Variants in IKZF3 observed in about 807,000 individuals in gnomAD.
IKZF3 encodes the protein IKAROS family zinc finger 3, also known as zinc finger protein Aiolos.
Under a neutral mutation model 49.0 loss-of-function variants are expected in IKZF3, and 10 were observed. That is an observed-to-expected ratio of 0.20 (90% CI 0.13 to 0.35). The LOEUF (loss-of-function observed/expected upper bound fraction) is 0.35. IKZF3 is among the 10% of genes least tolerant of loss of function. The pLI, the probability that IKZF3 is intolerant of heterozygous loss-of-function variation, is 1.00. For synonymous variants in IKZF3, 209 were observed against 228.2 expected (o/e 0.92, Z 0.76); for missense variants, 498 against 664.8 (o/e 0.75, Z 2.76).
At chr17:39,791,638 T>C in intron 4 of IKZF3, 55 bp from the exon 5 acceptor site, 1 of 1,558,236 alleles carries the variant, frequency 6.4e-7, no homozygotes, top group Admixed American at 1.7e-5. Flanking sequence ...GAGAAACATA[T>C]GCACAGATTA....
At chr17:39,837,040 T>C (rs2062306965) in intron 1 of IKZF3, among the ~76,000 whole-genome samples, 1 of 152,080 alleles carries the variant, frequency 6.6e-6, no homozygotes, top group Non-Finnish European at 1.5e-5. Flanking sequence ...CAAGCAATCC[T>C]CCCACCTCAG....
chr17:39,842,060 C>CAAAAAA (rs1491414621), intron 1 of IKZF3, among the ~76,000 whole-genome samples: 1 of 20,312 alleles, frequency 4.9e-5, no homozygotes, highest in Admixed American at 5.7e-4. Context: ...AAAAAAAAAA[C>CAAAAAA]CAGATAAAAT....
chr17:39,795,035 C>T (rs575983835), intron 3 of IKZF3, among the ~76,000 whole-genome samples: 1 of 152,320 alleles, frequency 6.6e-6, no homozygotes, highest in Admixed American at 6.5e-5. Context: ...CATGACCAGA[C>T]TCAGGCCACT....
intron 6 of IKZF3, among the ~76,000 whole-genome samples, chr17:39,779,818 C>T (rs192070350): frequency 6.6e-5 from 10 of 152,114 alleles, no homozygotes; most frequent in South Asian, 2.1e-4. Context: ...ATAAACACTT[C>T]GGGAGATCCA....
chr17:39,818,504 G>A (rs1005898250), intron 3 of IKZF3, among the ~76,000 whole-genome samples: 4 of 152,148 alleles, frequency 2.6e-5, no homozygotes, highest in African/African-American at 9.7e-5. Context: ...CAGAGAAGGG[G>A]GACTACTATA....
intron 3 of IKZF3, among the ~76,000 whole-genome samples, chr17:39,803,283 T>G (rs2061362656): frequency 6.6e-6 from 1 of 152,198 alleles, no homozygotes; most frequent in Admixed American, 6.5e-5. Context: ...CTTTTTCTAT[T>G]GATTATTTTC....
In IKZF3 at chr17:39,766,470, C is replaced by T. The variant is rs1435931657; in HGVS notation, c.850G>A (p.Val284Ile). Residue 284 changes from valine (V) to isoleucine (I), a missense_variant, in exon 8 of 8, where the codon GTC becomes ATC. Val to Ile is a conservative substitution (Grantham distance 29). This residue lies in a region of IKZF3 where 317 missense variants were observed against 397.3 expected (regional missense o/e 0.80). Transcript: ENST00000346872. ...FIGEKRHCFD[V>I]NYNSSYMYEK... ...TACATGTAACTTGAATTATAGTTGA[C>T]ATCAAAGCAGTGGCGCTTCTCACCT... 5.6e-6 allele frequency: 9 copies of T among 1,611,284 alleles called. No homozygotes were observed. Among genetic ancestry groups the T allele is most frequent in the Non-Finnish European group, 6.8e-6 (8 of 1,178,946 alleles).
At chr17:39,829,749 C>T (rs1459957084) in intron 2 of IKZF3, among the ~76,000 whole-genome samples, 7 of 151,946 alleles carry the variant, frequency 4.6e-5, no homozygotes, top group Non-Finnish European at 5.9e-5. Flanking sequence ...GTCAGGAGTT[C>T]GAGACCAGCC....
chr17:39,812,512 G>A (rs2061583555), intron 3 of IKZF3, among the ~76,000 whole-genome samples: 2 of 152,170 alleles, frequency 1.3e-5, no homozygotes, highest in Non-Finnish European at 2.9e-5. Flanking sequence ...CCATCATGGA[G>A]TCAGCCAGCA....
intron 1 of IKZF3, chr17:39,835,788 C>A: frequency 1.9e-6 from 1 of 514,232 alleles, no homozygotes; most frequent in Non-Finnish European, 3.8e-6. Context: ...CAGCTCCACC[C>A]TATTCATGTA....
intron 1 of IKZF3, among the ~76,000 whole-genome samples, chr17:39,836,260 G>A (rs1390205573): frequency 6.6e-6 from 1 of 152,168 alleles, no homozygotes; most frequent in Non-Finnish European, 1.5e-5. Context: ...GACCCATGCT[G>A]GCACCCAGGA....
In IKZF3 at chr17:39,762,500, A is replaced by G. The variant is rs918191078; in HGVS notation, c.*3290T>C. 1.3e-5 allele frequency: 2 copies of G among 152,164 alleles called. No homozygotes were observed. Among genetic ancestry groups the G allele is most frequent in the African/African-American group, 4.8e-5 (2 of 41,440 alleles). 9.4% of individuals were successfully genotyped at this position (152,164 alleles called of 1,614,324 possible). On this transcript the variant is annotated 3_prime_UTR_variant, in exon 8 of 8. Coordinates refer to ENST00000346872, the MANE Select transcript of IKZF3 (RefSeq NM_012481.5). ...CAGAAGAATAGAAATCATGCAGCAA[A>G]TTCATTAGTCACAGGAAAAAGGAGG...
chr17:39,780,634 A>T (rs963892238), intron 6 of IKZF3, among the ~76,000 whole-genome samples: 2 of 151,872 alleles, frequency 1.3e-5, no homozygotes, highest in African/African-American at 4.8e-5. Context: ...TTGGGATTAC[A>T]GGCATGAGCC....
At chr17:39,860,967 G>A (rs1272685165) in intron 1 of IKZF3, among the ~76,000 whole-genome samples, 1 of 152,080 alleles carries the variant, frequency 6.6e-6, no homozygotes, top group Non-Finnish European at 1.5e-5. Context: ...CAGTTTAAGT[G>A]CTTAAAAAAT....
intron 3 of IKZF3, among the ~76,000 whole-genome samples, chr17:39,824,037 A>C (rs1023136932): frequency 6.6e-6 from 1 of 152,212 alleles, no homozygotes; most frequent in East Asian, 1.9e-4. Context: ...GTGCACCTGG[A>C]AAAGCTGCAA....
At chr17:39,803,103 A>G (rs2061359011) in intron 3 of IKZF3, among the ~76,000 whole-genome samples, 1 of 152,162 alleles carries the variant, frequency 6.6e-6, no homozygotes, top group Non-Finnish European at 1.5e-5. Flanking sequence ...CATCAGCAGT[A>G]GGTAAGGTTC....
In IKZF3 at chr17:39,758,778, T is replaced by G. The variant is rs549368839; in HGVS notation, c.*7012A>C. ...CAGCAGATCCTCTGCCCTTGTGCAT[T>G]AAAACAACATGAAGGAAACTGTTAG... On this transcript the variant is annotated 3_prime_UTR_variant, in exon 8 of 8. Coordinates refer to ENST00000346872, the MANE Select transcript of IKZF3 (RefSeq NM_012481.5). The G allele has an allele frequency of 1.6e-4, 24 of 150,732 alleles. No homozygotes were observed. Among genetic ancestry groups the G allele is most frequent in the African/African-American group, 5.4e-4 (22 of 40,892 alleles). 9.3% of individuals were successfully genotyped at this position (150,732 alleles called of 1,614,324 possible).
intron 3 of IKZF3, among the ~76,000 whole-genome samples, chr17:39,797,669 T>C (rs187699580): frequency 3.9e-5 from 6 of 152,226 alleles, no homozygotes; most frequent in African/African-American, 1.4e-4. Flanking sequence ...GTGATCCACC[T>C]GTCTTGGCCT....
In IKZF3 at chr17:39,783,135, A is replaced by G. The variant is rs371328150; in HGVS notation, c.709+5123T>C. Among the ~76,000 whole-genome samples the G allele has an allele frequency of 1.2e-3, 185 of 152,306 alleles. 7 individuals are homozygous for G. In the South Asian group the frequency reaches 0.037, roughly 31 times the overall value. Reference sequence around the variant, plus strand: ...GTTAAGTGGAGCTTAAATAAGAGGTATTGCTTCCTGTCTCTTCTATGGTGT... The same window carrying G: ...GTTAAGTGGAGCTTAAATAAGAGGTGTTGCTTCCTGTCTCTTCTATGGTGT... On this transcript the variant is annotated intron_variant, in intron 6 of 7. Transcript: ENST00000346872.
Sources: allele counts gnomAD v4.1 joint callset (sites outside exome capture counted in the v4.1 genomes callset), GRCh38; gene constraint gnomAD v4.1.1; regional missense constraint gnomAD v4.1.1; transcripts MANE v1.5; gene names NCBI Gene and HGNC (gene_info 2026-07-23, HGNC 2026-07-21).